ST8SIA6: variants seen among roughly 807,000 people sequenced by gnomAD.
ST8SIA6 encodes ST8 alpha-N-acetyl-neuraminide alpha-2,8-sialyltransferase 6.
Under a neutral mutation model 33.6 loss-of-function variants are expected in ST8SIA6, and 39 were observed. The observed-to-expected ratio is 1.16, with a 90% CI of 0.90 to 1.52. The LOEUF is 1.52. Ranked by LOEUF, ST8SIA6 falls within the 40% of genes most tolerant of loss-of-function variation. The pLI is 0.00. For missense variants in ST8SIA6, 441 were observed against 443.8 expected, an observed-to-expected ratio of 0.99 and a Z score of 0.06; for synonymous variants, 172 against 167.2, an observed-to-expected ratio of 1.03 and a Z score of -0.22.
At chr10:17,375,377 A>T (rs1312938617) in intron 3 of ST8SIA6, among the ~76,000 whole-genome samples, 2 of 152,186 alleles carry the variant, frequency 1.3e-5, no homozygotes, top group Non-Finnish European at 2.9e-5. Context: ...TTGATCGGCC[A>T]TAATTTATGC....
At chr10:17,403,790 C>T (rs12266121) in intron 2 of ST8SIA6, among the ~76,000 whole-genome samples, 3,081 of 152,206 alleles carry the variant, frequency 0.02, 68 homozygotes, top group East Asian at 0.078. Flanking sequence ...GAGCTGGGCA[C>T]GGTGGCTCAT....
chr10:17,380,346 T>C (rs190505563), intron 3 of ST8SIA6, among the ~76,000 whole-genome samples: 3 of 152,320 alleles, frequency 2.0e-5, no homozygotes, highest in Non-Finnish European at 2.9e-5. Context: ...AACAACCAGC[T>C]GGTGTTAATG....
chr10:17,442,102 C>T (rs941287060), intron 2 of ST8SIA6, among the ~76,000 whole-genome samples: 8 of 151,764 alleles, frequency 5.3e-5, no homozygotes, highest in East Asian at 2.0e-4. Flanking sequence ...CTCCTGACCT[C>T]GTGATCCACC....
At chr10:17,385,986 C>G (rs1046474377) in intron 3 of ST8SIA6, among the ~76,000 whole-genome samples, 1 of 152,036 alleles carries the variant, frequency 6.6e-6, no homozygotes, top group Admixed American at 6.5e-5. Context: ...GTTTTGAGAC[C>G]AACCTGGGCA....
At chr10:17,389,368 C>T (rs887281293) in intron 3 of ST8SIA6, among the ~76,000 whole-genome samples, 7 of 152,180 alleles carry the variant, frequency 4.6e-5, no homozygotes, top group Admixed American at 6.5e-5. Context: ...TTATCCTGAA[C>T]CATCTTCAAA....
In ST8SIA6 at chr10:17,390,541, T is replaced by A; in HGVS notation, c.280A>T (p.Lys94Ter). 1.2e-6 allele frequency: 2 copies of A among 1,612,262 alleles called. No individual in the cohort carries two copies. The highest frequency in any genetic ancestry group is 1.7e-6 in the Non-Finnish European group (2 of 1,179,248). Residue 94 changes from lysine (K) to a stop codon, truncating the protein, a stop_gained, in exon 3 of 8, where the codon AAA (lysine) becomes TAA (stop). Coordinates refer to ENST00000377602, the MANE Select transcript of ST8SIA6 (RefSeq NM_001004470.3). LOFTEE classifies it high-confidence loss of function. The stretch of plus-strand genomic sequence containing the variant: ...AAGAGTAGAACTTACCCTTTCGTTT[T>A]GTTAGAGAAAGACTCAATGCCATAT... ...LQYGIESFSN[K>*]TKGYSENDYL...
intron 2 of ST8SIA6, among the ~76,000 whole-genome samples, chr10:17,439,458 G>C (rs552993303): frequency 6.6e-6 from 1 of 152,144 alleles, no homozygotes; most frequent in East Asian, 1.9e-4. Flanking sequence ...TTTTGTATTT[G>C]TAGTAGAGGC....
intron 3 of ST8SIA6, among the ~76,000 whole-genome samples, chr10:17,364,679 T>C (rs1849501782): frequency 6.6e-6 from 1 of 152,178 alleles, no homozygotes; most frequent in Non-Finnish European, 1.5e-5. Context: ...AATGGAAGCA[T>C]GGTTGTAACC....
Position 17,454,344 on chromosome 10 carries a change from A to T in ST8SIA6, c.-89T>A, listed in dbSNP as rs1270397399. On this transcript the variant is annotated 5_prime_UTR_variant, in exon 1 of 8. Transcript: ENST00000377602. The surrounding 1 kb of genome is among the most constrained non-coding windows in gnomAD (Gnocchi z 4.1). ...ACTCGCGGCTCCCGCCGCCGCCGCC[A>T]CCGCCGCCGTGGCCGCAGCCCCGCG... is the stretch of plus-strand genomic sequence containing the variant. 2 of 160,558 alleles carry T rather than the reference A, an allele frequency of 1.2e-5. No homozygotes were observed. The highest frequency in any genetic ancestry group is 4.9e-5 in the African/African-American group (2 of 41,018). The allele number at this position is 160,558 out of a possible 1,614,324, so 9.9% of individuals were successfully genotyped here. A position where few individuals can be genotyped will look rare whatever the true frequency, so the allele number is the denominator to read the frequency against.
Position 17,454,069 on chromosome 10 carries a change from G to A in ST8SIA6, c.101+86C>T, listed in dbSNP as rs974601339. 11 of 242,068 alleles carry A rather than the reference G, an allele frequency of 4.5e-5. No individual in the cohort carries two copies. Among genetic ancestry groups the A allele is most frequent in the Admixed American group, 1.7e-4 (3 of 17,976 alleles). The allele number at this position is 242,068 out of a possible 1,614,324, so 15.0% of individuals were successfully genotyped here. A position where few individuals can be genotyped will look rare whatever the true frequency, so the allele number is the denominator to read the frequency against. ...GCCGCGGCCAAAAGTCTCCGCGCCC[G>A]AGGGGAAGCGATGGGCGGCTTGGGG... On this transcript the variant is annotated intron_variant, in intron 1 of 7. Coordinates refer to ENST00000377602, the MANE Select transcript of ST8SIA6 (RefSeq NM_001004470.3). This position sits in a 1 kb window ranked among gnomAD's most constrained non-coding sequence, Gnocchi z 4.1.
At chr10:17,379,138 A>C (rs199920994) in intron 3 of ST8SIA6, among the ~76,000 whole-genome samples, 1 of 110,028 alleles carries the variant, frequency 9.1e-6, no homozygotes, top group African/African-American at 5.2e-5. Flanking sequence ...AAAAAAAAAC[A>C]AAAACAAAAA....
chr10:17,408,194 T>G (rs991859302), intron 2 of ST8SIA6: 2 of 152,644 alleles, frequency 1.3e-5, no homozygotes, highest in Admixed American at 1.3e-4. Context: ...GCAAACTGGA[T>G]GACGACCGAA....
chr10:17,327,326 C>G (rs1848164473), intron 5 of ST8SIA6, among the ~76,000 whole-genome samples, 200 bp from the exon 6 acceptor site: 2 of 152,140 alleles, frequency 1.3e-5, no homozygotes, highest in South Asian at 4.2e-4. Context: ...GTGGCTCACA[C>G]CTGTAATCCC....
intron 2 of ST8SIA6, among the ~76,000 whole-genome samples, chr10:17,421,385 C>T (rs1280511373): frequency 6.6e-6 from 1 of 152,050 alleles, no homozygotes; most frequent in Admixed American, 6.5e-5. Flanking sequence ...GTGTGTTGCC[C>T]AGGAAATCCA....
chr10:17,426,075 AC>A (rs1434415315), intron 2 of ST8SIA6, among the ~76,000 whole-genome samples: 1 of 152,102 alleles, frequency 6.6e-6, no homozygotes, highest in East Asian at 1.9e-4. Flanking sequence ...CGAGACAGTC[AC>A]ATCCTCCCAC....
At chr10:17,321,652 T>C (rs1340967872) in intron 7 of ST8SIA6, among the ~76,000 whole-genome samples, 1 of 152,210 alleles carries the variant, frequency 6.6e-6, no homozygotes, top group Non-Finnish European at 1.5e-5. Flanking sequence ...TTTCCTAAAG[T>C]TGTTTTTTGT....
intron 4 of ST8SIA6, among the ~76,000 whole-genome samples, chr10:17,344,947 C>G (rs1848784696): frequency 6.6e-6 from 1 of 152,070 alleles, no homozygotes; most frequent in South Asian, 2.1e-4. Flanking sequence ...AATGGATAAA[C>G]AAATCAAGCA....
rs1849009755 is a variant in ST8SIA6 at position 17,350,913 on chromosome 10, A to G, written c.377+8601T>C. On this transcript the variant is annotated intron_variant, in intron 4 of 7. Coordinates refer to ENST00000377602, the MANE Select transcript of ST8SIA6 (RefSeq NM_001004470.3). ...CTCAAAAAATTGGGAAGGTGGCATG[A>G]CCTGTACATTTAGAATCAGAAAGTC... Among the ~76,000 whole-genome samples, 3 of 152,330 alleles carry G rather than the reference A, an allele frequency of 2.0e-5. No homozygotes were observed. In the South Asian group the frequency reaches 6.2e-4, roughly 32 times the overall value.
chr10:17,387,557 G>A (rs1850427164), intron 3 of ST8SIA6, among the ~76,000 whole-genome samples: 1 of 151,606 alleles, frequency 6.6e-6, no homozygotes, highest in South Asian at 2.1e-4. Flanking sequence ...GTGAGCCACC[G>A]CGCCGGGCCC....
Sources: allele counts gnomAD v4.1 joint callset (sites outside exome capture counted in the v4.1 genomes callset), GRCh38; gene constraint gnomAD v4.1.1; non-coding constraint Gnocchi (gnomAD v3.1); transcripts MANE v1.5; gene names NCBI Gene and HGNC (gene_info 2026-07-23, HGNC 2026-07-21).